The following LATS2 variants were observed in gnomAD, a reference collection of about 807,000 sequenced individuals.
LATS2 encodes the protein large tumor suppressor kinase 2.
A neutral mutation model predicts 76.0 loss-of-function variants in LATS2; 24 were observed. The observed-to-expected ratio is 0.32, with a 90% confidence interval of 0.23 to 0.44. The LOEUF is 0.44. LATS2 is among the 20% of genes least tolerant of loss of function. The pLI, the probability that LATS2 is intolerant of heterozygous loss-of-function variation, is 1.00. For missense variants in LATS2, 1,286 were observed against 1,481.2 expected, an observed-to-expected ratio of 0.87 and a Z score of 2.16; for synonymous variants, 692 against 635.4, an observed-to-expected ratio of 1.09 and a Z score of -1.34.
At chr13:21,027,630 A>G (rs1872357926) in intron 2 of LATS2, among the ~76,000 whole-genome samples, 1 of 152,144 alleles carries the variant, frequency 6.6e-6, no homozygotes, top group Admixed American at 6.5e-5. Flanking sequence ...TTAGCTTTAG[A>G]GACTACCCAC....
At chr13:21,037,838 G>A (rs1283612359) in intron 2 of LATS2, among the ~76,000 whole-genome samples, 2 of 148,622 alleles carry the variant, frequency 1.3e-5, no homozygotes. Context: ...GTAGGGCCAG[G>A]GTGGGCCTGC....
At chr13:21,056,399 T>G (rs2138419584) in intron 1 of LATS2, among the ~76,000 whole-genome samples, 1 of 152,242 alleles carries the variant, frequency 6.6e-6, no homozygotes, top group East Asian at 1.9e-4. Flanking sequence ...ACATTCTCTA[T>G]TAGACAGCTT....
chr13:21,041,480 TA>T (rs1872879410), intron 2 of LATS2, among the ~76,000 whole-genome samples: 1 of 152,098 alleles, frequency 6.6e-6, no homozygotes, highest in South Asian at 2.1e-4. Flanking sequence ...TTAAATCACT[TA>T]AACATGATAA....
At chr13:20,981,707 C>CTCATTTTTATTA in intron 5 of LATS2, 59 bp from the exon 6 acceptor site, 2 of 1,406,996 alleles carry the variant, frequency 1.4e-6, no homozygotes, top group Non-Finnish European at 1.9e-6. Flanking sequence ...TGAATTTTCA[C>CTCATTTTTATTA]TCTTCAATAA....
chr13:20,990,461 A>AATTTTTT (rs1870456556), intron 3 of LATS2, among the ~76,000 whole-genome samples: 12 of 94,522 alleles, frequency 1.3e-4, no homozygotes, highest in African/African-American at 4.9e-4. Flanking sequence ...AATTACTAGG[A>AATTTTTT]TTTTTTTTTT....
intron 1 of LATS2, among the ~76,000 whole-genome samples, chr13:21,057,057 T>C (rs1310686405): frequency 1.3e-5 from 2 of 152,226 alleles, no homozygotes; most frequent in South Asian, 2.1e-4. Context: ...ATGAACCATG[T>C]TGGCCCTTAG....
chr13:21,034,812 A>T (rs1308015119), intron 2 of LATS2, among the ~76,000 whole-genome samples: 1 of 152,210 alleles, frequency 6.6e-6, no homozygotes, highest in East Asian at 1.9e-4. Context: ...AGTACAGGAA[A>T]GTCATCAAGA....
chr13:21,041,773 G>A (rs1254440047), intron 2 of LATS2, among the ~76,000 whole-genome samples: 2 of 152,072 alleles, frequency 1.3e-5, no homozygotes, highest in Admixed American at 1.3e-4. Flanking sequence ...ATTCTAAGGG[G>A]TCCAGGGGGC....
At position 20,989,284 on chromosome 13, in the gene LATS2, G is replaced by C. The variant is rs1010830886; in HGVS notation, c.496C>G (p.Pro166Ala). Residue 166 changes from proline to alanine, a missense_variant, in exon 4 of 8, where the codon CCA (proline) becomes GCA (alanine). Physicochemically the swap from Pro to Ala is conservative, Grantham distance 27. Coordinates refer to ENST00000382592, the MANE Select transcript of LATS2 (RefSeq NM_014572.3). ...TSPGKGLMPTPVTRRPSFEGT... is the reference protein window; with the variant it reads ...TSPGKGLMPTAVTRRPSFEGT... ...TCGAAGCTGGGCCTCCGCGTCACTG[G>C]GGTTGGCATGAGCCCCTTTCCTGCA... 4.3e-6 allele frequency: 7 copies of C among 1,613,844 alleles called. No homozygotes were observed. Among genetic ancestry groups the C allele is most frequent in the Non-Finnish European group, 4.2e-6 (5 of 1,180,036 alleles).
chr13:21,056,213 G>C (rs954354845), intron 1 of LATS2, among the ~76,000 whole-genome samples: 1 of 152,012 alleles, frequency 6.6e-6, no homozygotes, highest in Non-Finnish European at 1.5e-5. Context: ...CTGAGGGGGA[G>C]TTTCGCCATG....
chr13:20,991,856 G>C lies in LATS2; in HGVS notation c.343-452C>G, dbSNP rs1231304099. On this transcript the variant is annotated intron_variant, in intron 2 of 7. Coordinates refer to ENST00000382592, the MANE Select transcript of LATS2 (RefSeq NM_014572.3). This position sits in a 1 kb window ranked among gnomAD's most constrained non-coding sequence, Gnocchi z 4.9. ...AACCTGTCCCCAGGGAGAGGGTGCAGCTGCCGAAGAGTCATATATTACACG... is the reference window on the plus strand; with the variant it reads ...AACCTGTCCCCAGGGAGAGGGTGCACCTGCCGAAGAGTCATATATTACACG... 5.3e-5 allele frequency among the ~76,000 whole-genome samples: 8 copies of C among 152,200 alleles called. No homozygotes were observed. Among genetic ancestry groups the C allele is most frequent in the Non-Finnish European group, 1.2e-4 (8 of 68,036 alleles).
chr13:21,045,864 T>C lies in LATS2; in HGVS notation c.163A>G (p.Lys55Glu). The change falls in exon 2 of 8, where the codon AAA becomes GAA. Residue 55 changes from lysine (K) to glutamate (E), a missense_variant. This residue lies in a region of LATS2 where 101 missense variants were observed against 141.4 expected (regional missense o/e 0.71). Coordinates refer to ENST00000382592, the MANE Select transcript of LATS2 (RefSeq NM_014572.3). ...TGCTGCTGCTGCCTGGTGGCATCTT[T>C]GCTCCCCAGGACTTTGGCATCCAGG... ...TSLDAKVLGS[K>E]DATRQQQQMR... 6.2e-7 allele frequency: 1 copy of C among 1,614,210 alleles called. No homozygotes were observed. Among genetic ancestry groups the C allele is most frequent in the Non-Finnish European group, 8.5e-7 (1 of 1,180,046 alleles).
chr13:20,983,197 G>A, intron 5 of LATS2, 27 bp downstream of exon 5: 1 of 1,508,382 alleles, frequency 6.6e-7, no homozygotes, highest in Non-Finnish European at 9.2e-7. Context: ...CACATAGAAA[G>A]TGCATGTGGC....
At chr13:21,040,162 G>A (rs1162190083) in intron 2 of LATS2, among the ~76,000 whole-genome samples, 3 of 151,970 alleles carry the variant, frequency 2.0e-5, no homozygotes, top group African/African-American at 4.8e-5. Flanking sequence ...TGAGGCAGGC[G>A]TATCGCTTCA....
chr13:20,975,499 G>T, intron 7 of LATS2, 135 bp from the exon 8 acceptor site: 1 of 929,898 alleles, frequency 1.1e-6, no homozygotes, highest in Non-Finnish European at 1.5e-6. Context: ...ACAAGCAGCA[G>T]TTGTTGATCT....
chr13:21,054,074 C>G (rs1873369595), intron 1 of LATS2, among the ~76,000 whole-genome samples: 1 of 152,106 alleles, frequency 6.6e-6, no homozygotes, highest in African/African-American at 2.4e-5. Flanking sequence ...TATATTTTTC[C>G]TCAATTTTTA....
intron 2 of LATS2, among the ~76,000 whole-genome samples, chr13:21,037,907 C>T (rs1872736533): frequency 6.6e-6 from 1 of 152,090 alleles, no homozygotes; most frequent in Non-Finnish European, 1.5e-5. Context: ...CAGGCACCAT[C>T]CTGAGGCCAG....
intron 7 of LATS2, among the ~76,000 whole-genome samples, 193 bp from the exon 8 acceptor site, chr13:20,975,557 T>C (rs565753575): frequency 1.4e-4 from 21 of 152,352 alleles, no homozygotes; most frequent in African/African-American, 4.8e-4. Flanking sequence ...GCTCACAGCC[T>C]GAGGCCAGGA....
intron 2 of LATS2, among the ~76,000 whole-genome samples, chr13:21,000,688 C>A (rs1044985484): frequency 7.9e-5 from 12 of 152,006 alleles, no homozygotes; most frequent in African/African-American, 2.9e-4. Context: ...TTAATATAGT[C>A]CTTAGAATAC....
Sources: gnomAD v4.1 joint callset for allele counts (sites outside exome capture counted in the v4.1 genomes callset) on GRCh38, gnomAD v4.1.1 for gene constraint, gnomAD v4.1.1 regional missense constraint, Gnocchi (gnomAD v3.1) non-coding constraint, MANE v1.5 for transcripts, NCBI Gene and HGNC (gene_info 2026-07-23, HGNC 2026-07-21) for gene names.